Variants in ALOXE3 observed in about 807,000 individuals in gnomAD.
The protein encoded by ALOXE3 is hydroperoxide isomerase ALOXE3.
ALOXE3 carries 78 observed loss-of-function variants against 87.5 expected under a neutral mutation model. That is an observed-to-expected ratio of 0.89 (90% CI 0.74 to 1.08). The LOEUF (loss-of-function observed/expected upper bound fraction) is 1.08, where lower values mean the gene tolerates loss of function less well. Among genes scored for constraint, ALOXE3 ranks in the 50% least tolerant of loss-of-function variants. The probability of loss-of-function intolerance (pLI) is 0.00; values close to 1 mark genes in which losing one functional copy is unlikely to be tolerated. For missense variants in ALOXE3, 946 were observed against 912.4 expected (o/e 1.04, Z -0.47); for synonymous variants, 363 against 370.8 (o/e 0.98, Z 0.24).
rs572060316 is a variant in ALOXE3, at chr17:8,117,572, C to G, written c.147+272G>C. ...GAAACCCAGGCTCAGAGAGGGGAAG[C>G]GACTTGCCCAAAGCCCACGGTCAAT... On this transcript the variant is annotated intron_variant, in intron 2 of 15. Coordinates refer to ENST00000448843, the MANE Select transcript of ALOXE3 (RefSeq NM_021628.3). Among the ~76,000 whole-genome samples, 4 of 152,290 alleles carry G rather than the reference C, an allele frequency of 2.6e-5. No homozygotes were observed. In the South Asian group the frequency reaches 8.3e-4, roughly 32 times the overall value.
At position 8,107,954 on chromosome 17, in the gene ALOXE3, A is replaced by G. The variant is rs1330999565; in HGVS notation, c.1684+514T>C. Among the ~76,000 whole-genome samples, 36 of 4,316 alleles carry G rather than the reference A, an allele frequency of 8.3e-3. 7 individuals are homozygous for G. Among genetic ancestry groups the G allele is most frequent in the Non-Finnish European group, 0.015 (24 of 1,626 alleles). The allele number at this position is 4,316 out of a possible 152,430, so 2.8% of individuals were successfully genotyped here. Reference sequence around the variant, plus strand: ...GAAAGAAAGAAAGAAAGAAAGAAAGAAAGAAAGGAAGGAGAGAGAGAGAGA... The same window carrying G: ...GAAAGAAAGAAAGAAAGAAAGAAAGGAAGAAAGGAAGGAGAGAGAGAGAGA... On this transcript the variant is annotated intron_variant, in intron 13 of 15. Coordinates refer to ENST00000448843, the MANE Select transcript of ALOXE3 (RefSeq NM_021628.3).
In ALOXE3 at chr17:8,096,139, T is replaced by G; in HGVS notation, c.*488A>C. 5.9e-6 allele frequency: 1 copy of G among 169,144 alleles called. No individual in the cohort carries two copies. The highest frequency in any genetic ancestry group is 1.3e-5 in the Non-Finnish European group (1 of 77,414). 10.5% of individuals were successfully genotyped at this position (169,144 alleles called of 1,614,324 possible). On this transcript the variant is annotated 3_prime_UTR_variant, in exon 16 of 16. Transcript: ENST00000448843. ...GGTGCTAGGGACAAAGGGGACCACA[T>G]GTTAGACCCAGGCACACAGTCCTTC...
chr17:8,115,486 T>A (rs762177591), intron 4 of ALOXE3, 121 bp downstream of exon 4: 1 of 1,026,858 alleles, frequency 9.7e-7, no homozygotes, highest in Non-Finnish European at 1.5e-6. Flanking sequence ...TAGGTCCAAA[T>A]AAGAGTCCTG....
At position 8,110,481 on chromosome 17, in the gene ALOXE3, G is replaced by A; in HGVS notation, c.1005C>T (p.Pro335=). 1 of 1,613,846 alleles carries A rather than the reference G, an allele frequency of 6.2e-7. No homozygotes were observed. Among genetic ancestry groups the A allele is most frequent in the Non-Finnish European group, 8.5e-7 (1 of 1,179,876 alleles). ...GCTGGCGGCCGTTTAGGCAGTGGGT[G>A]GGGGCCTCCGCCAGGATCCAGTAGT... ...LADYWILAEA[P]THCLNGRQQY... is the part of the protein sequence containing the mutation. Residue 335 remains proline, a synonymous_variant, in exon 9 of 16, where the codon CCC becomes CCT. Coordinates refer to ENST00000448843, the MANE Select transcript of ALOXE3 (RefSeq NM_021628.3).
chr17:8,115,129 G>C, intron 4 of ALOXE3, 72 bp from the exon 5 acceptor site: 1 of 1,589,376 alleles, frequency 6.3e-7, no homozygotes, highest in Non-Finnish European at 8.6e-7. Flanking sequence ...TTAAAGACAC[G>C]GCTTCAGATT....
intron 8 of ALOXE3, among the ~76,000 whole-genome samples, 196 bp downstream of exon 8, chr17:8,111,163 G>C (rs1323360555): frequency 6.6e-6 from 1 of 152,190 alleles, no homozygotes; most frequent in Non-Finnish European, 1.5e-5. Flanking sequence ...AGGCCTCAAA[G>C]CCTCCCAACC....
chr17:8,103,215 G>C, intron 15 of ALOXE3, 108 bp downstream of exon 15: 1 of 1,333,018 alleles, frequency 7.5e-7, no homozygotes, highest in Non-Finnish European at 1.1e-6. Flanking sequence ...CAGTTCTGCA[G>C]TGAACATAAA....
rs369709973 is a variant in ALOXE3 at position 8,114,980 on chromosome 17, A to G, written c.512T>C (p.Phe171Ser). The G allele has an allele frequency of 2.5e-6, 4 of 1,613,906 alleles. No homozygotes were observed. Among genetic ancestry groups the G allele is most frequent in the East Asian group, 2.2e-5 (1 of 44,886 alleles). ...SFQEMESDKKFALTKTTTCVD... is the reference protein window; with the variant it reads ...SFQEMESDKKSALTKTTTCVD... Reference sequence around the variant, plus strand: ...ACAAGTTGTCGTCTTTGTCAAGGCAAATTTCTTGTCTGACTCCATCTCCTG... The same window carrying G: ...ACAAGTTGTCGTCTTTGTCAAGGCAGATTTCTTGTCTGACTCCATCTCCTG... The change falls in exon 5 of 16, where the codon TTT becomes TCT. Residue 171 changes from phenylalanine (F) to serine (S), a missense_variant. Transcript: ENST00000448843.
chr17:8,110,584 C>G (rs1979990892), intron 8 of ALOXE3, 56 bp from the exon 9 acceptor site: 1 of 1,601,034 alleles, frequency 6.2e-7, no homozygotes, highest in East Asian at 2.2e-5. Flanking sequence ...CCACTTCCCT[C>G]CCATTTCCCT....
chr17:8,097,538 C>T (rs1567989899), intron 15 of ALOXE3, among the ~76,000 whole-genome samples: 2 of 152,164 alleles, frequency 1.3e-5, no homozygotes, highest in Non-Finnish European at 2.9e-5. Flanking sequence ...CCATCATCCT[C>T]CACTGCCACA....
At chr17:8,102,196 TAA>T (rs1363398486) in intron 15 of ALOXE3, among the ~76,000 whole-genome samples, 1 of 152,140 alleles carries the variant, frequency 6.6e-6, no homozygotes, top group African/African-American at 2.4e-5. Flanking sequence ...GCCTCAGGCT[TAA>T]AAGTCTTGAT....
rs373920814 is a variant in ALOXE3, at chr17:8,109,493, A to T, written c.1393-150T>A. ...TCAAATACCCACGAGGGCCTGCCTG[A>T]CGCAGGCTGCGCAGCTTGACGCCCC... On this transcript the variant is annotated intron_variant, in intron 11 of 15. Coordinates refer to ENST00000448843, the MANE Select transcript of ALOXE3 (RefSeq NM_021628.3). 51 of 1,066,534 alleles carry T rather than the reference A, an allele frequency of 4.8e-5. No individual in the cohort carries two copies. The African/African-American group carries it at 6.9e-4, about 14-fold the overall frequency. The allele number at this position is 1,066,534 out of a possible 1,614,324, so 66.1% of individuals were successfully genotyped here.
At chr17:8,111,018 A>G (rs998204565) in intron 8 of ALOXE3, among the ~76,000 whole-genome samples, 2 of 152,152 alleles carry the variant, frequency 1.3e-5, no homozygotes, top group Admixed American at 1.3e-4. Flanking sequence ...TGGCCCTACC[A>G]TTGGCCTGTC....
Position 8,118,205 on chromosome 17 carries a change from C to A in ALOXE3, c.-215G>T. 6 of 1,551,612 alleles carry A rather than the reference C, an allele frequency of 3.9e-6. No individual in the cohort carries two copies. Among genetic ancestry groups the A allele is most frequent in the Non-Finnish European group, 4.4e-6 (5 of 1,146,998 alleles). ...GCTGGCGGCTCGGGCTTCCTCTCTC[C>A]GCCCACAGTCTTGCACTCTAATACT... On this transcript the variant is annotated 5_prime_UTR_variant, in exon 2 of 16. Coordinates refer to ENST00000448843, the MANE Select transcript of ALOXE3 (RefSeq NM_021628.3).
chr17:8,109,171 C>T lies in ALOXE3; in HGVS notation c.1562+3G>A, dbSNP rs1425595292. On this transcript the variant is annotated splice_donor_region_variant and intron_variant, in intron 12 of 15. Transcript: ENST00000448843. The stretch of plus-strand genomic sequence containing the variant: ...ACTGCTGGTCCCGCCCCGCACCTCG[C>T]ACCTCTCAATGGCCGCCCAGATCTT... The T allele has an allele frequency of 1.2e-6, 2 of 1,613,104 alleles. No homozygotes were observed. The highest frequency in any genetic ancestry group is 2.2e-5 in the South Asian group (2 of 91,082).
chr17:8,107,817 GAAA>G, intron 13 of ALOXE3, among the ~76,000 whole-genome samples: 1 of 2,376 alleles, frequency 4.2e-4, no homozygotes, highest in East Asian at 7.1e-3. Flanking sequence ...AAACAAGAAA[GAAA>G]GAAAGAAAGA....
chr17:8,118,316 G>A lies in ALOXE3; in HGVS notation c.-313-13C>T. The stretch of plus-strand genomic sequence containing the variant: ...AGCCTGGGTTCCACTGCGGAGGGAG[G>A]GATCAGATGCTGAGATGGAGAAAAG... On this transcript the variant is annotated splice_polypyrimidine_tract_variant and intron_variant, in intron 1 of 15. Transcript: ENST00000448843. 1 of 1,551,828 alleles carries A rather than the reference G, an allele frequency of 6.4e-7. No individual in the cohort carries two copies. The highest frequency in any genetic ancestry group is 8.7e-7 in the Non-Finnish European group (1 of 1,147,042).
intron 14 of ALOXE3, among the ~76,000 whole-genome samples, chr17:8,103,886 GTTC>G (rs1415930280): frequency 1.3e-5 from 2 of 152,098 alleles, no homozygotes; most frequent in African/African-American, 4.8e-5. Flanking sequence ...GAGCCCCTAA[GTTC>G]TTCTCCCAAA....
upstream of ALOXE3, chr17:8,118,850 A>T (rs541292773): frequency 1.3e-4 from 197 of 1,533,748 alleles, 1 homozygote; most frequent in Admixed American, 7.4e-4. Context: ...GATCTGGGCC[A>T]CTAGGGACTG....
Sources: allele counts gnomAD v4.1 joint callset (sites outside exome capture counted in the v4.1 genomes callset), GRCh38; gene constraint gnomAD v4.1.1; transcripts MANE v1.5; gene names NCBI Gene and HGNC (gene_info 2026-07-23, HGNC 2026-07-21).